RPTOR: variants seen among roughly 807,000 people sequenced by gnomAD.
RPTOR encodes regulatory-associated protein of mTOR.
A neutral mutation model predicts 169.9 loss-of-function variants in RPTOR; 21 were observed. The ratio of observed to expected loss-of-function variants is 0.12; its 90% CI spans 0.09 to 0.18. RPTOR has a LOEUF of 0.18. Among genes scored for constraint, RPTOR ranks in the 10% least tolerant of loss-of-function variants. The pLI is 1.00. For synonymous variants in RPTOR, 732 were observed against 753.2 expected (o/e 0.97, Z 0.46); for missense variants, 1,133 against 1,855.9 (o/e 0.61, Z 7.16).
At chr17:80,941,710 C>T (rs2069030666) in intron 25 of RPTOR, 1 of 152,306 alleles carries the variant, frequency 6.6e-6, no homozygotes. Flanking sequence ...GGGTTACTTT[C>T]TGAAGTTGAG....
rs1008535117 is a variant in RPTOR, at chr17:80,775,382, A to G, written c.831-16068A>G. ...CGCCTCAGCTTTCCAAAGTACTGAGACTGCAGGTGTCAGCCCCATACCCAG... is the reference window on the plus strand; with the variant it reads ...CGCCTCAGCTTTCCAAAGTACTGAGGCTGCAGGTGTCAGCCCCATACCCAG... On this transcript the variant is annotated intron_variant, in intron 6 of 33. Transcript: ENST00000306801. Among the ~76,000 whole-genome samples, 34 of 152,128 alleles carry G rather than the reference A, an allele frequency of 2.2e-4. 1 individual carries two copies. The highest frequency in any genetic ancestry group is 2.0e-3 in the Admixed American group (30 of 15,272).
At chr17:80,866,305 TGA>T (rs1356310535) in intron 13 of RPTOR, among the ~76,000 whole-genome samples, 1 of 151,986 alleles carries the variant, frequency 6.6e-6, no homozygotes, top group East Asian at 1.9e-4. Context: ...TGAACAGTGC[TGA>T]GAGGGGAGTG....
intron 20 of RPTOR, among the ~76,000 whole-genome samples, chr17:80,907,429 G>A (rs2068557269): frequency 6.6e-6 from 1 of 152,252 alleles, no homozygotes; most frequent in Non-Finnish European, 1.5e-5. Flanking sequence ...GCAGCGCCTG[G>A]CCCCGCTCTG....
At position 80,783,334 on chromosome 17, in the gene RPTOR, C is replaced by G. The variant is rs116037453; in HGVS notation, c.831-8116C>G. On this transcript the variant is annotated intron_variant, in intron 6 of 33. Transcript: ENST00000306801. The stretch of plus-strand genomic sequence containing the variant: ...GACAGTTTTCAACCATTCTGTGGAA[C>G]AGTTGAGAGGATGATAAAGTGAACC... 8.0e-3 allele frequency among the ~76,000 whole-genome samples: 1,213 copies of G among 152,274 alleles called. 19 individuals carry two copies. Among genetic ancestry groups the G allele is most frequent in the African/African-American group, 0.028 (1,169 of 41,546 alleles).
chr17:80,901,036 A>G (rs921003687), intron 20 of RPTOR, among the ~76,000 whole-genome samples: 1 of 152,220 alleles, frequency 6.6e-6, no homozygotes, highest in Non-Finnish European at 1.5e-5. Flanking sequence ...GAACTTGCTG[A>G]GGCTGCTGTT....
chr17:80,600,024 T>G (rs527408568), intron 1 of RPTOR, among the ~76,000 whole-genome samples: 2 of 152,296 alleles, frequency 1.3e-5, no homozygotes, highest in South Asian at 4.2e-4. Flanking sequence ...AAGAAAGGGC[T>G]TCCGGCAAAA....
At chr17:80,678,559 A>G (rs1163686940) in intron 3 of RPTOR, among the ~76,000 whole-genome samples, 2 of 152,254 alleles carry the variant, frequency 1.3e-5, no homozygotes, top group African/African-American at 2.4e-5. Flanking sequence ...TAGCTTTGCA[A>G]CATTGCTGAA....
intron 9 of RPTOR, among the ~76,000 whole-genome samples, chr17:80,834,884 C>T (rs1157692087): frequency 6.6e-6 from 1 of 152,256 alleles, no homozygotes; most frequent in Non-Finnish European, 1.5e-5. Flanking sequence ...CTCTCGCCTC[C>T]ACCTCCCCTA....
chr17:80,655,421 T>C (rs1262347559), intron 3 of RPTOR, among the ~76,000 whole-genome samples: 2 of 151,256 alleles, frequency 1.3e-5, no homozygotes, highest in Non-Finnish European at 2.9e-5. Flanking sequence ...GTTTTTATAT[T>C]TTTAGAGGGG....
At chr17:80,893,532 G>T (rs570450353) in intron 19 of RPTOR, among the ~76,000 whole-genome samples, 175 bp from the exon 20 acceptor site, 5 of 151,078 alleles carry the variant, frequency 3.3e-5, no homozygotes, top group Non-Finnish European at 7.4e-5. Flanking sequence ...TATGTCGGGT[G>T]TGTGTACATG....
intron 1 of RPTOR, among the ~76,000 whole-genome samples, chr17:80,553,787 G>A (rs1173052203): frequency 6.6e-6 from 1 of 151,950 alleles, no homozygotes; most frequent in Non-Finnish European, 1.5e-5. Context: ...TGTTGCCCAG[G>A]TTGGAGTGCA....
At chr17:80,963,402 TGTG>T (rs1458076282) in intron 33 of RPTOR, among the ~76,000 whole-genome samples, 8 of 147,952 alleles carry the variant, frequency 5.4e-5, no homozygotes, top group African/African-American at 2.0e-4. Flanking sequence ...CCCCGTCCCC[TGTG>T]CGGCCCTCAC....
chr17:80,750,712 G>A (rs1363815020), intron 5 of RPTOR, among the ~76,000 whole-genome samples: 2 of 152,114 alleles, frequency 1.3e-5, no homozygotes, highest in Non-Finnish European at 2.9e-5. Context: ...TTGCATTGCC[G>A]ATGCTATTTT....
rs1184854653 is a variant in RPTOR, at chr17:80,883,850, C to T, written c.1720C>T (p.Arg574Cys). 2 of 1,613,708 alleles carry T rather than the reference C, an allele frequency of 1.2e-6. No homozygotes were observed. Among genetic ancestry groups the T allele is most frequent in the South Asian group, 1.1e-5 (1 of 91,086 alleles). Reference protein sequence around the residue: ...EQLNDPHPLLRQWVAICLGRI... With the variant: ...EQLNDPHPLLCQWVAICLGRI... ...GCTCAACGACCCGCACCCCTTGCTG[C>T]GCCAGTGGGTGGCCATCTGCCTCGG... Residue 574 changes from arginine (R) to cysteine (C), a missense_variant, in exon 16 of 34, where the codon CGC (arginine) becomes TGC (cysteine). Physicochemically the swap from Arg to Cys is radical, Grantham distance 180. Transcript: ENST00000306801.
intron 20 of RPTOR, among the ~76,000 whole-genome samples, chr17:80,900,797 T>G (rs938219728): frequency 9.2e-5 from 14 of 152,340 alleles, no homozygotes; most frequent in Middle Eastern, 3.4e-3. Context: ...AAATAAAAAG[T>G]TGCACCTGGC....
At chr17:80,920,510 A>T (rs1016596658) in intron 21 of RPTOR, among the ~76,000 whole-genome samples, 1 of 152,252 alleles carries the variant, frequency 6.6e-6, no homozygotes, top group Admixed American at 6.5e-5. Context: ...GCGAGAATTC[A>T]TGCCGAGGCC....
chr17:80,570,602 G>A (rs1311369853), intron 1 of RPTOR, among the ~76,000 whole-genome samples: 2 of 151,930 alleles, frequency 1.3e-5, no homozygotes, highest in Non-Finnish European at 2.9e-5. Context: ...CTGGGACTAC[G>A]GGTATCCACC....
At chr17:80,625,607 TG>T in intron 1 of RPTOR, 83 bp from the exon 2 acceptor site, 1 of 1,082,454 alleles carries the variant, frequency 9.2e-7, no homozygotes, top group Admixed American at 1.8e-5. Context: ...CTCAATGTTC[TG>T]GGGGACATTT....
intron 3 of RPTOR, among the ~76,000 whole-genome samples, chr17:80,703,290 C>T (rs759899529): frequency 2.0e-5 from 3 of 152,208 alleles, no homozygotes; most frequent in Non-Finnish European, 4.4e-5. Flanking sequence ...TCTTTTCTCA[C>T]CTGTATCTGC....
Sources: gnomAD v4.1 joint callset for allele counts (sites outside exome capture counted in the v4.1 genomes callset) on GRCh38, gnomAD v4.1.1 for gene constraint, MANE v1.5 for transcripts, NCBI Gene and HGNC (gene_info 2026-07-23, HGNC 2026-07-21) for gene names.